The following MSR1 variants were observed in gnomAD, a reference collection of about 807,000 sequenced individuals.
MSR1 encodes macrophage scavenger receptor types I and II.
A neutral mutation model predicts 47.2 loss-of-function variants in MSR1; 53 were observed. That is an observed-to-expected ratio of 1.12 (90% CI 0.90 to 1.41). MSR1 has a LOEUF of 1.41. Ranked by LOEUF, MSR1 falls within the 40% of genes most tolerant of loss-of-function variation. The probability of loss-of-function intolerance (pLI) is 0.00; values close to 1 mark genes in which losing one functional copy is unlikely to be tolerated. For synonymous variants in MSR1, 239 were observed against 185.6 expected (o/e 1.29, Z -2.34); for missense variants, 786 against 546.9 (o/e 1.44, Z -4.36).
chr8:16,140,482 T>A (rs1161846888), intron 8 of MSR1: 1 of 990,304 alleles, frequency 1.0e-6, no homozygotes, highest in Non-Finnish European at 1.2e-6. Flanking sequence ...TCATTGCGCA[T>A]GAGCAAAGCA....
intron 5 of MSR1, among the ~76,000 whole-genome samples, chr8:16,160,568 T>C (rs1359626336): frequency 2.0e-5 from 3 of 151,968 alleles, no homozygotes; most frequent in Non-Finnish European, 2.9e-5. Context: ...AGAGATGACA[T>C]GATTTCATAT....
chr8:16,119,727 G>A (rs1799952741), intron 9 of MSR1, among the ~76,000 whole-genome samples: 1 of 151,276 alleles, frequency 6.6e-6, no homozygotes, highest in Non-Finnish European at 1.5e-5. Context: ...TTGTTTTTCA[G>A]AGACAGGTCT....
chr8:16,178,317 A>C (rs1801721353), intron 1 of MSR1, among the ~76,000 whole-genome samples: 1 of 132,026 alleles, frequency 7.6e-6, no homozygotes, highest in Admixed American at 9.5e-5. Flanking sequence ...ATGTGTTCTC[A>C]TTGTTCAATT....
chr8:16,191,126 T>C lies in MSR1; in HGVS notation c.-5+1472A>G, dbSNP rs1380898766. 4.6e-5 allele frequency among the ~76,000 whole-genome samples: 7 copies of C among 152,196 alleles called. No individual in the cohort carries two copies. The East Asian group carries it at 1.3e-3, about 29-fold the overall frequency. On this transcript the variant is annotated intron_variant, in intron 1 of 9. Coordinates refer to ENST00000262101, the MANE Select transcript of MSR1 (RefSeq NM_138715.3). ...ATAACTTTGATTTTTGTAACAGCAG[T>C]TGAATGTGTATATAAAATGAAAATT... is the stretch of plus-strand genomic sequence containing the variant.
intron 9 of MSR1, among the ~76,000 whole-genome samples, chr8:16,117,219 G>C (rs1799896507): frequency 6.6e-6 from 1 of 152,102 alleles, no homozygotes; most frequent in South Asian, 2.1e-4. Context: ...CAGATCAGTG[G>C]CAGCATTAGA....
At chr8:16,158,888 G>A (rs1801084183) in intron 5 of MSR1, among the ~76,000 whole-genome samples, 1 of 146,456 alleles carries the variant, frequency 6.8e-6, no homozygotes, top group South Asian at 2.2e-4. Context: ...CCTTTACATA[G>A]TGGTTAGACA....
intron 5 of MSR1, among the ~76,000 whole-genome samples, chr8:16,156,726 G>A (rs967357814): frequency 2.7e-5 from 4 of 150,758 alleles, no homozygotes; most frequent in East Asian, 3.9e-4. Context: ...CCACATAATC[G>A]TCATGCAAAC....
chr8:16,182,512 C>A (rs1801863321), intron 1 of MSR1, among the ~76,000 whole-genome samples: 1 of 151,748 alleles, frequency 6.6e-6, no homozygotes, highest in African/African-American at 2.4e-5. Flanking sequence ...TGTAGCTGTA[C>A]AAAAATAATT....
chr8:16,120,742 A>G, intron 8 of MSR1, 136 bp from the exon 9 acceptor site: 2 of 1,092,184 alleles, frequency 1.8e-6, no homozygotes, highest in Non-Finnish European at 2.6e-6. Context: ...AACTATTGGA[A>G]TAAATATTAA....
At chr8:16,184,419 A>C (rs1801933981) in intron 1 of MSR1, among the ~76,000 whole-genome samples, 1 of 152,132 alleles carries the variant, frequency 6.6e-6, no homozygotes, top group African/African-American at 2.4e-5. Context: ...AAAAAATGGT[A>C]TTTTAAACAA....
chr8:16,124,949 G>A (rs1800095358), intron 8 of MSR1, among the ~76,000 whole-genome samples: 1 of 152,100 alleles, frequency 6.6e-6, no homozygotes, highest in African/African-American at 2.4e-5. Context: ...AGTCTTCAGA[G>A]GGAATAGAAT....
At chr8:16,181,873 T>G (rs1339310067) in intron 1 of MSR1, among the ~76,000 whole-genome samples, 1 of 152,194 alleles carries the variant, frequency 6.6e-6, no homozygotes, top group Non-Finnish European at 1.5e-5. Flanking sequence ...TTTTTAACTT[T>G]GAACTCAGTT....
intron 5 of MSR1, among the ~76,000 whole-genome samples, chr8:16,157,791 T>TG: frequency 1.3e-5 from 2 of 152,112 alleles, no homozygotes; most frequent in South Asian, 4.1e-4. Flanking sequence ...ATCACACAGC[T>TG]GGACTATTGC....
At chr8:16,190,655 G>A (rs948059495) in intron 1 of MSR1, among the ~76,000 whole-genome samples, 1 of 151,484 alleles carries the variant, frequency 6.6e-6, no homozygotes, top group African/African-American at 2.4e-5. Flanking sequence ...TTTCATACTT[G>A]ACATGCATTC....
chr8:16,140,881 A>G (rs1800538572), intron 8 of MSR1: 13 of 1,604,506 alleles, frequency 8.1e-6, no homozygotes, highest in Non-Finnish European at 1.1e-5. Context: ...CACGGGAACC[A>G]AAGTCATTTG....
At chr8:16,150,731 T>A (rs1800832086) in intron 6 of MSR1, among the ~76,000 whole-genome samples, 1 of 152,032 alleles carries the variant, frequency 6.6e-6, no homozygotes, top group Admixed American at 6.6e-5. Flanking sequence ...CAATGTAAAG[T>A]ATCAACGAGT....
At chr8:16,175,069 A>G in intron 3 of MSR1, 118 bp downstream of exon 3, 1 of 802,896 alleles carries the variant, frequency 1.2e-6, no homozygotes, top group South Asian at 1.5e-5. Flanking sequence ...ACACTTTGTA[A>G]TGCAGTATTT....
intron 1 of MSR1, among the ~76,000 whole-genome samples, chr8:16,180,316 T>A (rs1801791748): frequency 6.6e-6 from 1 of 152,160 alleles, no homozygotes; most frequent in South Asian, 2.1e-4. Context: ...TGTGTCTCTT[T>A]AACATGTATC....
chr8:16,119,234 A>T (rs546891239), intron 9 of MSR1, among the ~76,000 whole-genome samples: 1 of 152,176 alleles, frequency 6.6e-6, no homozygotes, highest in African/African-American at 2.4e-5. Context: ...TAATATGATA[A>T]TTATTATCAT....
Sources: allele counts gnomAD v4.1 joint callset (sites outside exome capture counted in the v4.1 genomes callset), GRCh38; gene constraint gnomAD v4.1.1; transcripts MANE v1.5; gene names NCBI Gene and HGNC (gene_info 2026-07-23, HGNC 2026-07-21).